The following PTPRD variants were observed in gnomAD, a reference collection of about 807,000 sequenced individuals.
PTPRD encodes the protein receptor-type tyrosine-protein phosphatase delta.
In PTPRD, 34 loss-of-function variants were observed where a neutral mutation model predicts 214.5. The observed-to-expected ratio is 0.16, with a 90% CI of 0.12 to 0.21. The LOEUF (loss-of-function observed/expected upper bound fraction) is 0.21, where lower values mean the gene tolerates loss of function less well. Ranked by LOEUF, PTPRD falls within the 10% of genes least tolerant of loss-of-function variation. PTPRD has a pLI of 1.00. For synonymous variants in PTPRD, 1,128 were observed against 845.7 expected (o/e 1.33, Z -5.79); for missense variants, 2,545 against 2,398.7 (o/e 1.06, Z -1.27).
intron 9 of PTPRD, among the ~76,000 whole-genome samples, chr9:9,211,744 G>T (rs913482960): frequency 1.3e-5 from 2 of 151,810 alleles, no homozygotes; most frequent in Admixed American, 6.6e-5. Flanking sequence ...AAGGCTCTTT[G>T]TTGTGCTTTG....
chr9:8,991,610 G>C (rs1183594138), intron 11 of PTPRD, among the ~76,000 whole-genome samples: 3 of 152,066 alleles, frequency 2.0e-5, no homozygotes, highest in Non-Finnish European at 2.9e-5. Flanking sequence ...GCTTAGATTT[G>C]CCACAAAATG....
intron 7 of PTPRD, among the ~76,000 whole-genome samples, chr9:9,575,894 G>C (rs1404450184): frequency 2.6e-5 from 4 of 151,752 alleles, no homozygotes; most frequent in Non-Finnish European, 5.9e-5. Context: ...ATGCTTGATA[G>C]ATACTATTTT....
At chr9:9,919,554 C>A (rs906246102) in intron 5 of PTPRD, among the ~76,000 whole-genome samples, 19 of 152,076 alleles carry the variant, frequency 1.2e-4, no homozygotes, top group Non-Finnish European at 2.2e-4. Flanking sequence ...GTCTAAAGGC[C>A]CAATGATTCA....
intron 9 of PTPRD, among the ~76,000 whole-genome samples, chr9:9,337,314 G>C (rs2044922158): frequency 6.6e-6 from 1 of 152,136 alleles, no homozygotes; most frequent in African/African-American, 2.4e-5. Flanking sequence ...TGAGAGGCAG[G>C]TGTTGGCAGT....
Position 8,444,805 on chromosome 9 carries a change from T to C in PTPRD, c.3988+4920A>G, listed in dbSNP as rs188900837. 5.2e-3 allele frequency among the ~76,000 whole-genome samples: 793 copies of C among 152,216 alleles called. 3 individuals carry two copies. The highest frequency in any genetic ancestry group is 0.011 in the Admixed American group (172 of 15,282). On this transcript the variant is annotated intron_variant, in intron 34 of 45. Coordinates refer to ENST00000381196, the MANE Select transcript of PTPRD (RefSeq NM_002839.4). ...CGGAGAGACTAAAGTAATTTGGAAA[T>C]TGTTTATAAAAGAAAGAAAGAGAAA...
At chr9:8,670,518 G>A (rs1229080241) in intron 12 of PTPRD, among the ~76,000 whole-genome samples, 1 of 152,188 alleles carries the variant, frequency 6.6e-6, no homozygotes, top group South Asian at 2.1e-4. Flanking sequence ...TAAAATATGT[G>A]AGATGACAGA....
chr9:10,161,242 C>A lies in PTPRD; in HGVS notation c.-544-127452G>T, dbSNP rs2099125570. On this transcript the variant is annotated intron_variant, in intron 3 of 45. Transcript: ENST00000381196. ...ACTGTCCATGGAATCACAAAAAGAT[C>A]CTGAATAGCCAAAGCAATCCTAAAC... Among the ~76,000 whole-genome samples, 3 of 151,794 alleles carry A rather than the reference C, an allele frequency of 2.0e-5. No individual in the cohort carries two copies. In the South Asian group the frequency reaches 6.2e-4, roughly 32 times the overall value.
chr9:9,090,979 C>T (rs933599203), intron 10 of PTPRD: 20 of 1,571,976 alleles, frequency 1.3e-5, no homozygotes, highest in African/African-American at 6.7e-5. Flanking sequence ...TAACTGTGCC[C>T]GATGCATGCC....
chr9:10,585,019 C>T (rs34445860), intron 2 of PTPRD, among the ~76,000 whole-genome samples: 27,492 of 151,902 alleles, frequency 0.18, 2,739 homozygotes, highest in South Asian at 0.25. Flanking sequence ...CATAAAGTGC[C>T]AAACTAATCT....
At chr9:8,331,933 TAAATTTATTTACTCTTGAAATCC>T (rs1228159145) in intron 43 of PTPRD, among the ~76,000 whole-genome samples, 197 bp from the exon 44 acceptor site, 1 of 37,024 alleles carries the variant, frequency 2.7e-5, no homozygotes, top group Non-Finnish European at 3.8e-5. Flanking sequence ...CTTTAAATCC[TAAATTTATTTACTCTTGAAATCC>T]TAAATTTATT....
intron 5 of PTPRD, among the ~76,000 whole-genome samples, chr9:9,931,264 A>T (rs1003049852): frequency 6.6e-6 from 1 of 152,200 alleles, no homozygotes; most frequent in African/African-American, 2.4e-5. Flanking sequence ...TACAGCTCCC[A>T]GCGTGAGCGA....
At chr9:9,274,202 C>G (rs1191734120) in intron 9 of PTPRD, among the ~76,000 whole-genome samples, 1 of 151,222 alleles carries the variant, frequency 6.6e-6, no homozygotes, top group South Asian at 2.1e-4. Context: ...CTGCCATACT[C>G]ATTCTTTCAC....
chr9:8,926,830 C>A (rs1040320866), intron 11 of PTPRD, among the ~76,000 whole-genome samples: 1 of 152,140 alleles, frequency 6.6e-6, no homozygotes, highest in Non-Finnish European at 1.5e-5. Context: ...ATTTGAAATT[C>A]AACTTGTAAA....
chr9:8,421,439 T>C (rs1398163450), intron 35 of PTPRD, among the ~76,000 whole-genome samples: 1 of 152,050 alleles, frequency 6.6e-6, no homozygotes, highest in Admixed American at 6.6e-5. Context: ...AATTTTACCA[T>C]GCTAGTCACA....
intron 7 of PTPRD, among the ~76,000 whole-genome samples, chr9:9,613,914 G>C (rs1402793661): frequency 6.6e-6 from 1 of 152,134 alleles, no homozygotes; most frequent in Non-Finnish European, 1.5e-5. Context: ...GAGTTTTGGA[G>C]ACAGACAGAT....
chr9:9,577,604 T>C (rs903358888), intron 7 of PTPRD, among the ~76,000 whole-genome samples: 1 of 152,060 alleles, frequency 6.6e-6, no homozygotes, highest in Non-Finnish European at 1.5e-5. Flanking sequence ...GAGTTTATTT[T>C]AACACGATGT....
chr9:9,921,314 A>C (rs2082469730), intron 5 of PTPRD, among the ~76,000 whole-genome samples: 1 of 152,046 alleles, frequency 6.6e-6, no homozygotes, highest in South Asian at 2.1e-4. Flanking sequence ...TTGCCTGTTT[A>C]ATACATAGTA....
At chr9:9,102,589 A>G (rs921837336) in intron 10 of PTPRD, among the ~76,000 whole-genome samples, 4 of 152,252 alleles carry the variant, frequency 2.6e-5, no homozygotes, top group Non-Finnish European at 4.4e-5. Flanking sequence ...TGGAGCTGAA[A>G]GATTCGCTTT....
chr9:8,532,300 T>C lies in PTPRD; in HGVS notation c.353-3521A>G, dbSNP rs575356712. ...ACTGTAGAAATAATGAAATTTCTAA[T>C]TGGAATGCTTATCTCCGTGGGTGTA... On this transcript the variant is annotated intron_variant, in intron 14 of 45. Transcript: ENST00000381196. Among the ~76,000 whole-genome samples, 16 of 152,210 alleles carry C rather than the reference T, an allele frequency of 1.1e-4. No homozygotes were observed. The South Asian group carries it at 1.7e-3, about 16-fold the overall frequency.
Sources: gnomAD v4.1 joint callset for allele counts (sites outside exome capture counted in the v4.1 genomes callset) on GRCh38, gnomAD v4.1.1 for gene constraint, MANE v1.5 for transcripts, NCBI Gene and HGNC (gene_info 2026-07-23, HGNC 2026-07-21) for gene names.